MTMR10: variants seen among roughly 807,000 people sequenced by gnomAD.
The protein encoded by MTMR10 is myotubularin-related protein 10.
A neutral mutation model predicts 88.1 loss-of-function variants in MTMR10; 56 were observed. The ratio of observed to expected loss-of-function variants is 0.64; its 90% CI spans 0.51 to 0.79. The LOEUF (loss-of-function observed/expected upper bound fraction) is 0.79. Ranked by LOEUF, MTMR10 falls within the 30% of genes least tolerant of loss-of-function variation. MTMR10 has a pLI of 0.00. For missense variants in MTMR10, 883 were observed against 924.7 expected (o/e 0.95, Z 0.58); for synonymous variants, 380 against 340.9 (o/e 1.11, Z -1.26).
At position 30,958,802 on chromosome 15, in the gene MTMR10, C is replaced by G. The variant is rs538631099; in HGVS notation, c.935+61G>C. ...TTTGTTATTTTCAATTAGTAGGGAA[C>G]TCACTGTAGTTACACAACAAGTAAA... On this transcript the variant is annotated intron_variant, in intron 9 of 15. Transcript: ENST00000435680. 2.6e-4 allele frequency: 401 copies of G among 1,532,368 alleles called. 1 individual carries two copies. The highest frequency in any genetic ancestry group is 3.0e-4 in the Admixed American group (18 of 59,810). 94.9% of individuals were successfully genotyped at this position (1,532,368 alleles called of 1,614,324 possible).
chr15:30,941,859 C>T lies in MTMR10; in HGVS notation c.1945G>A (p.Val649Ile), dbSNP rs780517269. The T allele has an allele frequency of 5.0e-6, 8 of 1,614,034 alleles. No homozygotes were observed. Among genetic ancestry groups the T allele is most frequent in the Admixed American group, 1.7e-5 (1 of 60,030 alleles). Reference protein sequence around the residue: ...ANLHGVILPRVSGTHIKLWKL... With the variant: ...ANLHGVILPRISGTHIKLWKL... ...CACAGTTTTATGTGTGTTCCAGAGA[C>T]ACGTGGCAGAATAACACCGTGCAGG... is the stretch of plus-strand genomic sequence containing the variant. Residue 649 changes from valine (V) to isoleucine (I), a missense_variant, in exon 16 of 16, where the codon GTC becomes ATC. By Grantham distance (29) the Val-to-Ile change is conservative (BLOSUM62 3). Around this residue, in one of 3 missense-constraint regions of MTMR10, gnomAD observed 343 missense variants for 323.2 expected, o/e 1.06. Coordinates refer to ENST00000435680, the MANE Select transcript of MTMR10 (RefSeq NM_017762.3).
At chr15:30,931,067 A>C in the MTMR10 span, among the ~76,000 whole-genome samples, 1 of 152,200 alleles carries the variant, frequency 6.6e-6, no homozygotes, top group African/African-American at 2.4e-5. Context: ...TAAAGAGTAT[A>C]ATGGTTTGTA....
At chr15:30,972,365 T>A (rs2063547446) in intron 5 of MTMR10, among the ~76,000 whole-genome samples, 1 of 151,528 alleles carries the variant, frequency 6.6e-6, no homozygotes, top group African/African-American at 2.4e-5. Context: ...ATTGCATCTA[T>A]TTTTTTTTCC....
intron 2 of MTMR10, among the ~76,000 whole-genome samples, chr15:30,988,326 A>T (rs556633548): frequency 6.6e-6 from 1 of 152,306 alleles, no homozygotes; most frequent in African/African-American, 2.4e-5. Context: ...AATGTTGGGT[A>T]AGGATAAGTC....
At chr15:30,961,463 A>T (rs2063401735) in intron 6 of MTMR10, among the ~76,000 whole-genome samples, 1 of 151,004 alleles carries the variant, frequency 6.6e-6, no homozygotes, top group Non-Finnish European at 1.5e-5. Flanking sequence ...CTGCTCTTGA[A>T]CTCCTGACCT....
chr15:30,935,396 T>C (rs2062825204), downstream of MTMR10, among the ~76,000 whole-genome samples: 1 of 152,186 alleles, frequency 6.6e-6, no homozygotes, highest in African/African-American at 2.4e-5. Context: ...TCTGTATCCA[T>C]GGTTTCTGCT....
chr15:30,983,201 A>G (rs911362608), intron 2 of MTMR10, among the ~76,000 whole-genome samples: 5 of 152,204 alleles, frequency 3.3e-5, no homozygotes, highest in Non-Finnish European at 1.5e-5. Flanking sequence ...GACCATTTAC[A>G]GCACCAAGCA....
chr15:30,925,329 C>T, the MTMR10 span: 30 of 1,579,186 alleles, frequency 1.9e-5, no homozygotes, highest in South Asian at 3.4e-5. Flanking sequence ...GACTTAGGCG[C>T]GTGTACCTGG....
intron 15 of MTMR10, chr15:30,942,657 G>T: frequency 4.1e-6 from 2 of 485,450 alleles, no homozygotes; most frequent in Non-Finnish European, 7.2e-6. Context: ...AATCAGGCTT[G>T]CAGGCTCAAA....
In MTMR10 at chr15:30,956,106, TG is replaced by T. The variant is rs1336100144; in HGVS notation, c.936-1214del. 2.6e-5 allele frequency: 4 copies of T among 152,330 alleles called. No homozygotes were observed. The East Asian group carries it at 5.8e-4, about 22-fold the overall frequency. 9.4% of individuals were successfully genotyped at this position (152,330 alleles called of 1,614,324 possible). ...AAAATCACTCAGAATTCTAAAATTT[TG>T]GTGCAATCTTTCTAGGTTTCCTCTA... On this transcript the variant is annotated intron_variant, in intron 9 of 15. Transcript: ENST00000435680.
Position 30,954,431 on chromosome 15 carries a change from CTG to C in MTMR10, c.1066+330_1066+331del, listed in dbSNP as rs1355736407. ...TCAAGTCACCTATCTCAAAGTATAA[CTG>C]TATGTATTACAATCTTAATAAGTTT... On this transcript the variant is annotated intron_variant, in intron 10 of 15. Coordinates refer to ENST00000435680, the MANE Select transcript of MTMR10 (RefSeq NM_017762.3). 3.9e-5 allele frequency among the ~76,000 whole-genome samples: 6 copies of C among 152,294 alleles called. No homozygotes were observed. The East Asian group carries it at 7.7e-4, about 20-fold the overall frequency.
At chr15:30,955,689 A>G (rs1382949240) in intron 9 of MTMR10, among the ~76,000 whole-genome samples, 2 of 152,162 alleles carry the variant, frequency 1.3e-5, no homozygotes, top group East Asian at 3.8e-4. Flanking sequence ...AGGAGACCCT[A>G]CACTCCCACA....
intron 5 of MTMR10, among the ~76,000 whole-genome samples, chr15:30,970,560 C>CA (rs2063525701): frequency 6.6e-6 from 1 of 152,098 alleles, no homozygotes. Context: ...TAGTTACCAA[C>CA]ATATTAAGGA....
chr15:30,977,870 T>C (rs1272647365), intron 2 of MTMR10, among the ~76,000 whole-genome samples: 1 of 152,234 alleles, frequency 6.6e-6, no homozygotes, highest in Non-Finnish European at 1.5e-5. Flanking sequence ...TATTCGAAGT[T>C]CTTAAAAATG....
chr15:30,949,575 TCA>T (rs1223700689), intron 12 of MTMR10: 9 of 152,290 alleles, frequency 5.9e-5, no homozygotes, highest in Middle Eastern at 3.4e-3. Flanking sequence ...ACAATTATAT[TCA>T]CAGTGACATA....
downstream of MTMR10, among the ~76,000 whole-genome samples, chr15:30,937,428 CCA>C (rs1349272947): frequency 6.6e-6 from 1 of 150,646 alleles, no homozygotes; most frequent in Non-Finnish European, 1.5e-5. Context: ...CTCATTGATT[CCA>C]CACAGTGGGT....
At chr15:30,953,680 T>G in intron 10 of MTMR10, 49 bp from the exon 11 acceptor site, 1 of 1,194,028 alleles carries the variant, frequency 8.4e-7, no homozygotes, top group Non-Finnish European at 1.2e-6. Context: ...TTTTATACGA[T>G]CCCTATCAGA....
intron 2 of MTMR10, among the ~76,000 whole-genome samples, chr15:30,989,174 T>A (rs2031147006): frequency 1.3e-5 from 2 of 152,168 alleles, no homozygotes; most frequent in South Asian, 4.2e-4. Context: ...TAGGCACTCA[T>A]TCAAGATGAG....
chr15:30,959,522 C>G (rs924189990), intron 7 of MTMR10, among the ~76,000 whole-genome samples: 1 of 152,242 alleles, frequency 6.6e-6, no homozygotes, highest in African/African-American at 2.4e-5. Context: ...AGTCCCTCTT[C>G]TACCTTTCCC....
Sources: allele counts gnomAD v4.1 joint callset (sites outside exome capture counted in the v4.1 genomes callset), GRCh38; gene constraint gnomAD v4.1.1; regional missense constraint gnomAD v4.1.1; transcripts MANE v1.5; gene names NCBI Gene and HGNC (gene_info 2026-07-23, HGNC 2026-07-21).